The following MBOAT7 variants were observed in gnomAD, a reference collection of about 807,000 sequenced individuals.
The protein encoded by MBOAT7 is membrane bound acylglycerophosphatidylinositol O-acyltransferase MBOAT7, also known as membrane-bound acylglycerophosphatidylinositol O-acyltransferase MBOAT7.
Under a neutral mutation model 47.4 loss-of-function variants are expected in MBOAT7, and 40 were observed. The observed-to-expected ratio is 0.84, with a 90% CI of 0.66 to 1.10. The LOEUF is 1.10. Ranked by LOEUF, MBOAT7 falls within the 50% of genes least tolerant of loss-of-function variation. The probability of loss-of-function intolerance (pLI) is 0.00; values close to 1 mark genes in which losing one functional copy is unlikely to be tolerated. For synonymous variants in MBOAT7, 361 were observed against 292.0 expected (o/e 1.24, Z -2.41); for missense variants, 680 against 655.6 (o/e 1.04, Z -0.41).
Position 54,173,956 on chromosome 19 carries a change from C to A in MBOAT7, c.*88G>T, listed in dbSNP as rs1025466329. 1 of 1,436,392 alleles carries A rather than the reference C, an allele frequency of 7.0e-7. No individual in the cohort carries two copies. The highest frequency in any genetic ancestry group is 9.2e-7 in the Non-Finnish European group (1 of 1,082,658). 89.0% of individuals were successfully genotyped at this position (1,436,392 alleles called of 1,614,324 possible). A position where few individuals can be genotyped will look rare whatever the true frequency, so the allele number is the denominator to read the frequency against. On this transcript the variant is annotated 3_prime_UTR_variant, in exon 8 of 8. Coordinates refer to ENST00000245615, the MANE Select transcript of MBOAT7 (RefSeq NM_024298.5). ...GAGGAAATTCTCTCCAGGACCCTCTCCAAGGTAAGGACTCTTTCTGGGGAG... is the reference window on the plus strand; with the variant it reads ...GAGGAAATTCTCTCCAGGACCCTCTACAAGGTAAGGACTCTTTCTGGGGAG...
intron 4 of MBOAT7, among the ~76,000 whole-genome samples, chr19:54,186,554 G>A (rs565066136): frequency 9.2e-5 from 14 of 152,236 alleles, no homozygotes; most frequent in African/African-American, 2.6e-4. Context: ...CACATCCTGC[G>A]GCCTGAAATG....
Position 54,174,422 on chromosome 19 carries a change from C to T in MBOAT7, c.1041G>A (p.Trp347Ter). ...PARSYVLRSA[W>*]TMLLSAYWHG... ...GCCAGTAGGCGCTCAGCAGCATGGT[C>T]CAGGCGCTCCTGAGGAGGAGGCTGG... Residue 347 changes from tryptophan to a stop codon, truncating the protein, a stop_gained, in exon 8 of 8, where the codon TGG becomes TGA. Coordinates refer to ENST00000245615, the MANE Select transcript of MBOAT7 (RefSeq NM_024298.5). LOFTEE classifies it high-confidence loss of function. The T allele has an allele frequency of 1.3e-6, 2 of 1,560,708 alleles. No homozygotes were observed. The highest frequency in any genetic ancestry group is 1.7e-6 in the Non-Finnish European group (2 of 1,153,198).
chr19:54,174,975 GTTT>G (rs34483717), intron 7 of MBOAT7, among the ~76,000 whole-genome samples: 5 of 127,860 alleles, frequency 3.9e-5, no homozygotes, highest in African/African-American at 5.9e-5. Context: ...CAGCCCAGTG[GTTT>G]TTTTTTTTTT....
chr19:54,177,900 G>GTTTTTTTTTTTTTTTT lies in MBOAT7; in HGVS notation c.1031+849_1031+864dup, dbSNP rs761565984. ...ATGCCTGGCTATGAGTTCTACTTCT[G>GTTTTTTTTTTTTTTTT]TTTTTTTTTTTTTTTTTTTTTTTTT... On this transcript the variant is annotated intron_variant, in intron 7 of 7. Coordinates refer to ENST00000245615, the MANE Select transcript of MBOAT7 (RefSeq NM_024298.5). Among the ~76,000 whole-genome samples, 13 of 76,000 alleles carry GTTTTTTTTTTTTTTTT rather than the reference G, an allele frequency of 1.7e-4. 3 individuals are homozygous for GTTTTTTTTTTTTTTTT. The highest frequency in any genetic ancestry group is 2.2e-4 in the Non-Finnish European group (9 of 41,170). 49.9% of individuals were successfully genotyped at this position (76,000 alleles called of 152,430 possible). A position where few individuals can be genotyped will look rare whatever the true frequency, so the allele number is the denominator to read the frequency against.
chr19:54,182,861 C>T (rs1432792526), intron 5 of MBOAT7, among the ~76,000 whole-genome samples: 5 of 151,928 alleles, frequency 3.3e-5, no homozygotes, highest in East Asian at 1.9e-4. Flanking sequence ...CCACCATGCC[C>T]GGCTAATTTT....
intron 3 of MBOAT7, 103 bp from the exon 4 acceptor site, chr19:54,187,390 C>T (rs1319771627): frequency 3.4e-5 from 47 of 1,390,308 alleles, no homozygotes; most frequent in Admixed American, 2.3e-4. Flanking sequence ...TCTCCCCATT[C>T]GTTTAGAGAC....
rs762596416 is a variant in MBOAT7, at chr19:54,178,784, C to A, written c.1012G>T (p.Ala338Ser). ...LAQYIYKSAP[A>S]RSYVLRSAWT... ...ACTCACCGCAGGACATAGGAACGGGCAGGTGCGCTCTTGTAGATATACTGC... is the reference window on the plus strand; with the variant it reads ...ACTCACCGCAGGACATAGGAACGGGAAGGTGCGCTCTTGTAGATATACTGC... Residue 338 changes from alanine (A) to serine (S), a missense_variant, in exon 7 of 8, where the codon GCC becomes TCC. Transcript: ENST00000245615. 3 of 1,613,382 alleles carry A rather than the reference C, an allele frequency of 1.9e-6. No homozygotes were observed. Among genetic ancestry groups the A allele is most frequent in the South Asian group, 2.2e-5 (2 of 91,080 alleles).
rs745765336 is a variant in MBOAT7 at position 54,183,536 on chromosome 19, C to T, written c.478G>A (p.Val160Met). Residue 160 changes from valine (V) to methionine (M), a missense_variant, in exon 5 of 8, where the codon GTG becomes ATG. Coordinates refer to ENST00000245615, the MANE Select transcript of MBOAT7 (RefSeq NM_024298.5). ...METLSYSYCY[V>M]GIMTGPFFRY... ...CCCCACTCACCTGTCATGATTCCCA[C>T]GTAGCAGTAGCTGTAGCTGAGTGTC... is the stretch of plus-strand genomic sequence containing the variant. 1.8e-5 allele frequency: 29 copies of T among 1,607,948 alleles called. No homozygotes were observed. The highest frequency in any genetic ancestry group is 1.4e-5 in the Non-Finnish European group (16 of 1,177,420).
intron 3 of MBOAT7, 44 bp downstream of exon 3, chr19:54,188,173 C>CCCTCT: frequency 6.5e-7 from 1 of 1,542,314 alleles, no homozygotes; most frequent in Non-Finnish European, 8.7e-7. Context: ...GGTTGCTTCC[C>CCCTCT]CCTCTCCCCT....
At chr19:54,183,725 C>T in intron 4 of MBOAT7, 45 bp from the exon 5 acceptor site, 1 of 1,489,678 alleles carries the variant, frequency 6.7e-7, no homozygotes, top group South Asian at 1.4e-5. Flanking sequence ...GACTCTGGGC[C>T]CTTCCCCACA....
intron 5 of MBOAT7, among the ~76,000 whole-genome samples, chr19:54,182,843 G>A (rs2076326649): frequency 1.3e-5 from 2 of 151,958 alleles, no homozygotes. Context: ...TGGGATTACA[G>A]GCACACACCA....
Position 54,183,528 on chromosome 19 carries a change from G to T in MBOAT7, c.486C>A (p.Ile162=). ...TAGGGCAGCCCCACTCACCTGTCAT[G>T]ATTCCCACGTAGCAGTAGCTGTAGC... ...TLSYSYCYVG[I]MTGPFFRYRT... The change falls in exon 5 of 8, where the codon ATC becomes ATA. Residue 162 remains isoleucine (I), a synonymous_variant. Coordinates refer to ENST00000245615, the MANE Select transcript of MBOAT7 (RefSeq NM_024298.5). 1 of 1,608,080 alleles carries T rather than the reference G, an allele frequency of 6.2e-7. No individual in the cohort carries two copies. Among genetic ancestry groups the T allele is most frequent in the Non-Finnish European group, 8.5e-7 (1 of 1,177,406 alleles).
Position 54,180,487 on chromosome 19 carries a change from G to A in MBOAT7, c.854+286C>T. On this transcript the variant is annotated intron_variant, in intron 6 of 7. Transcript: ENST00000245615. This position sits in a 1 kb window ranked among gnomAD's most constrained non-coding sequence, Gnocchi z 5.2. ...GGGGTGACACTTCTGTGGCAACAGA[G>A]GGGTGGCACAGGGTTGCTAAGTTAC... 1 of 386,324 alleles carries A rather than the reference G, an allele frequency of 2.6e-6. No individual in the cohort carries two copies. The highest frequency in any genetic ancestry group is 4.6e-6 in the Non-Finnish European group (1 of 215,480). The allele number at this position is 386,324 out of a possible 1,614,324, so 23.9% of individuals were successfully genotyped here.
chr19:54,175,172 G>T (rs960789124), intron 7 of MBOAT7, among the ~76,000 whole-genome samples: 1 of 152,048 alleles, frequency 6.6e-6, no homozygotes, highest in Non-Finnish European at 1.5e-5. Flanking sequence ...TAGAGACGGG[G>T]TTTCACCGTG....
At chr19:54,177,789 G>A (rs116599828) in intron 7 of MBOAT7, among the ~76,000 whole-genome samples, 1,674 of 151,302 alleles carry the variant, frequency 0.011, 40 homozygotes, top group African/African-American at 0.037. Context: ...TATTGCCCAG[G>A]CTGGTCTTCA....
chr19:54,185,603 G>A (rs1568818692), intron 4 of MBOAT7, among the ~76,000 whole-genome samples: 1 of 152,168 alleles, frequency 6.6e-6, no homozygotes, highest in African/African-American at 2.4e-5. Flanking sequence ...CCTGGACTCG[G>A]ACAAAGGAGG....
chr19:54,187,623 G>A (rs892797691), intron 3 of MBOAT7, among the ~76,000 whole-genome samples: 1 of 152,206 alleles, frequency 6.6e-6, no homozygotes, highest in Non-Finnish European at 1.5e-5. Flanking sequence ...TATGAACGGT[G>A]GCCAGGCCAG....
chr19:54,179,692 G>C (rs1027926030), intron 6 of MBOAT7: 1 of 152,220 alleles, frequency 6.6e-6, no homozygotes, highest in East Asian at 1.9e-4. Context: ...TTACTAGGGG[G>C]ACATCCTCTC....
chr19:54,187,793 A>G (rs2076471509), intron 3 of MBOAT7, among the ~76,000 whole-genome samples: 1 of 152,152 alleles, frequency 6.6e-6, no homozygotes, highest in East Asian at 1.9e-4. Flanking sequence ...TGAGGTGGGC[A>G]GATCACAAGG....
Sources: allele counts gnomAD v4.1 joint callset (sites outside exome capture counted in the v4.1 genomes callset), GRCh38; gene constraint gnomAD v4.1.1; non-coding constraint Gnocchi (gnomAD v3.1); transcripts MANE v1.5; gene names NCBI Gene and HGNC (gene_info 2026-07-23, HGNC 2026-07-21).